ATP2B1: variants seen among roughly 807,000 people sequenced by gnomAD.
The protein encoded by ATP2B1 is ATPase plasma membrane Ca2+ transporting 1, also known as plasma membrane calcium-transporting ATPase 1.
Under a neutral mutation model 124.2 loss-of-function variants are expected in ATP2B1, and 14 were observed. The observed-to-expected ratio is 0.11, with a 90% CI of 0.07 to 0.18. ATP2B1 has a LOEUF of 0.18. ATP2B1 is among the 10% of genes least tolerant of loss of function. The probability of loss-of-function intolerance (pLI) is 1.00; values close to 1 mark genes in which losing one functional copy is unlikely to be tolerated. For missense variants in ATP2B1, 763 were observed against 1,466.1 expected, an observed-to-expected ratio of 0.52 and a Z score of 7.83; for synonymous variants, 449 against 492.4, an observed-to-expected ratio of 0.91 and a Z score of 1.17.
intron 1 of ATP2B1, among the ~76,000 whole-genome samples, chr12:89,689,513 C>G (rs1328941954): frequency 6.6e-6 from 1 of 152,126 alleles, no homozygotes. Flanking sequence ...AATGGCGTTT[C>G]CATCTGGCCT....
At chr12:89,660,939 A>G (rs1028728976) in intron 1 of ATP2B1, among the ~76,000 whole-genome samples, 1 of 152,220 alleles carries the variant, frequency 6.6e-6, no homozygotes, top group African/African-American at 2.4e-5. Context: ...AATTTTGATT[A>G]GTTTTAATAC....
At chr12:89,592,941 C>T (rs1565790769) in intron 20 of ATP2B1, among the ~76,000 whole-genome samples, 1 of 151,794 alleles carries the variant, frequency 6.6e-6, no homozygotes, top group South Asian at 2.1e-4. Flanking sequence ...CCATGATCCA[C>T]ACTTGGAGCA....
In ATP2B1 at chr12:89,608,412, G is replaced by C. The variant is rs188528598; in HGVS notation, c.2442+1525C>G. Among the ~76,000 whole-genome samples the C allele has an allele frequency of 5.9e-5, 9 of 151,994 alleles. No individual in the cohort carries two copies. In the East Asian group the frequency reaches 1.8e-3, roughly 30 times the overall value. On this transcript the variant is annotated intron_variant, in intron 15 of 20. Transcript: ENST00000428670. ...GCTGTTCTTGAACACCTGACCTTAT[G>C]TGATCCGCCCGCCTCAGCCTCCCAA...
chr12:89,597,142 G>C (rs925786946), intron 20 of ATP2B1, among the ~76,000 whole-genome samples: 1 of 152,088 alleles, frequency 6.6e-6, no homozygotes, highest in African/African-American at 2.4e-5. Context: ...TTCCATAAAG[G>C]CTTGTGGAAC....
intron 20 of ATP2B1, among the ~76,000 whole-genome samples, chr12:89,592,559 C>T (rs10506974): frequency 0.16 from 25,027 of 151,938 alleles, 2,474 homozygotes; most frequent in Middle Eastern, 0.23. Flanking sequence ...TGCTTTTAGT[C>T]CATATTCACT....
chr12:89,673,849 C>G (rs943986912), intron 1 of ATP2B1, among the ~76,000 whole-genome samples: 1 of 152,132 alleles, frequency 6.6e-6, no homozygotes, highest in Non-Finnish European at 1.5e-5. Flanking sequence ...ACAGCTAGCA[C>G]TGGGTCATCA....
intron 1 of ATP2B1, among the ~76,000 whole-genome samples, chr12:89,688,440 G>A (rs1258279132): frequency 6.6e-6 from 1 of 152,060 alleles, no homozygotes; most frequent in East Asian, 1.9e-4. Context: ...TTCTAGCTCT[G>A]GACTGTACAT....
intron 18 of ATP2B1, among the ~76,000 whole-genome samples, chr12:89,601,737 C>A (rs1395810526): frequency 6.6e-6 from 1 of 152,046 alleles, no homozygotes; most frequent in African/African-American, 2.4e-5. Context: ...TTCTTATGAC[C>A]AAGAATAATA....
At chr12:89,657,446 G>A (rs535114513) in intron 1 of ATP2B1, among the ~76,000 whole-genome samples, 1 of 152,246 alleles carries the variant, frequency 6.6e-6, no homozygotes, top group South Asian at 2.1e-4. Flanking sequence ...TGACTGTCTG[G>A]CTCCATTTTA....
intron 1 of ATP2B1, among the ~76,000 whole-genome samples, chr12:89,678,730 T>A (rs1324686073): frequency 1.3e-5 from 2 of 152,298 alleles, no homozygotes; most frequent in East Asian, 1.9e-4. Context: ...ATTTCAGCCA[T>A]GCAAAAGTCA....
chr12:89,642,530 C>T (rs1883709450), intron 2 of ATP2B1, among the ~76,000 whole-genome samples, 175 bp from the exon 3 acceptor site: 1 of 152,156 alleles, frequency 6.6e-6, no homozygotes, highest in Admixed American at 6.5e-5. Context: ...TTTAAAAGAA[C>T]ACTTTAAGTA....
In ATP2B1 at chr12:89,590,269, TG is replaced by T. The variant is rs1226693695; in HGVS notation, c.*714del. The T allele has an allele frequency of 2.0e-5, 3 of 152,532 alleles. No individual in the cohort carries two copies. In the East Asian group the frequency reaches 5.8e-4, roughly 29 times the overall value. The allele number at this position is 152,532 out of a possible 1,614,324, so 9.4% of individuals were successfully genotyped here. On this transcript the variant is annotated 3_prime_UTR_variant, in exon 21 of 21. Transcript: ENST00000428670. Reference sequence around the variant, plus strand: ...AACTTCATTAGAACACCACTGCTCATGTTTTTTTGTTTTGTTTTGTTTTTTT... The same window carrying T: ...AACTTCATTAGAACACCACTGCTCATTTTTTTTGTTTTGTTTTGTTTTTTT...
chr12:89,613,025 G>C (rs183910581), intron 12 of ATP2B1, among the ~76,000 whole-genome samples: 1 of 152,038 alleles, frequency 6.6e-6, no homozygotes, highest in Admixed American at 6.5e-5. Context: ...CATCACCCAG[G>C]ATAAAGTGCA....
At chr12:89,650,202 C>A (rs1885064647) in intron 2 of ATP2B1, among the ~76,000 whole-genome samples, 1 of 152,130 alleles carries the variant, frequency 6.6e-6, no homozygotes, top group African/African-American at 2.4e-5. Context: ...GTGAGGGACA[C>A]CGGAAAATGT....
Position 89,621,793 on chromosome 12 carries a change from TAC to T in ATP2B1, c.1345-4_1345-3del, listed in dbSNP as rs1879996474. On this transcript the variant is annotated splice_polypyrimidine_tract_variant and splice_region_variant and intron_variant, in intron 9 of 20. Transcript: ENST00000428670. Reference sequence around the variant, plus strand: ...TAAGTTATTATCTTTCATCATTTTCTACAGTGACCAAAAAAAAAAAACTAGTT... The same window carrying T: ...TAAGTTATTATCTTTCATCATTTTCTAGTGACCAAAAAAAAAAAACTAGTT... The T allele has an allele frequency of 6.9e-7, 1 of 1,446,128 alleles. No individual in the cohort carries two copies. The highest frequency in any genetic ancestry group is 2.0e-5 in the African/African-American group (1 of 50,100). The allele number at this position is 1,446,128 out of a possible 1,614,324, so 89.6% of individuals were successfully genotyped here. A position where few individuals can be genotyped will look rare whatever the true frequency, so the allele number is the denominator to read the frequency against.
chr12:89,591,898 T>C (rs1018268445), intron 20 of ATP2B1, among the ~76,000 whole-genome samples: 15 of 152,200 alleles, frequency 9.9e-5, no homozygotes, highest in African/African-American at 3.4e-4. Context: ...TTTGAGTATA[T>C]GCCATTTGTC....
chr12:89,677,600 G>A (rs2136591760), intron 1 of ATP2B1, among the ~76,000 whole-genome samples: 1 of 152,136 alleles, frequency 6.6e-6, no homozygotes, highest in South Asian at 2.1e-4. Context: ...TGTACTGGAA[G>A]TAACATTATA....
chr12:89,653,886 A>T (rs1885621415), intron 2 of ATP2B1, among the ~76,000 whole-genome samples: 1 of 152,344 alleles, frequency 6.6e-6, no homozygotes, highest in Middle Eastern at 3.4e-3. Flanking sequence ...AGAAGACAAG[A>T]ACTTTGATTA....
intron 11 of ATP2B1, among the ~76,000 whole-genome samples, chr12:89,619,062 C>T (rs1030559677): frequency 1.3e-5 from 2 of 151,710 alleles, no homozygotes; most frequent in Non-Finnish European, 2.9e-5. Flanking sequence ...AACAAATAAA[C>T]ATCAGGGAAA....
Sources: allele counts gnomAD v4.1 joint callset (sites outside exome capture counted in the v4.1 genomes callset), GRCh38; gene constraint gnomAD v4.1.1; transcripts MANE v1.5; gene names NCBI Gene and HGNC (gene_info 2026-07-23, HGNC 2026-07-21).